The following DEPDC5 variants were observed in gnomAD, a reference collection of about 807,000 sequenced individuals.
DEPDC5 encodes DEP domain containing 5, GATOR1 subcomplex subunit.
A neutral mutation model predicts 217.3 loss-of-function variants in DEPDC5; 73 were observed. That is an observed-to-expected ratio of 0.34 (90% CI 0.28 to 0.41). The LOEUF is 0.41. DEPDC5 is among the 10% of genes least tolerant of loss of function. DEPDC5 has a pLI of 1.00. For missense variants in DEPDC5, 1,675 were observed against 2,070.1 expected (o/e 0.81, Z 3.70); for synonymous variants, 733 against 756.7 (o/e 0.97, Z 0.51).
intron 31 of DEPDC5, among the ~76,000 whole-genome samples, chr22:31,851,042 T>C (rs913672091): frequency 5.4e-5 from 8 of 148,714 alleles, no homozygotes; most frequent in Non-Finnish European, 1.2e-4. Flanking sequence ...CACTCCAGCT[T>C]GGTTACAGAG....
intron 18 of DEPDC5, 28 bp downstream of exon 18, chr22:31,806,219 G>C: frequency 1.3e-6 from 2 of 1,587,962 alleles, no homozygotes; most frequent in Non-Finnish European, 1.7e-6. Context: ...TTAAGACGGG[G>C]TCTTATTATG....
At chr22:31,819,001 C>A in intron 21 of DEPDC5, 21 bp from the exon 22 acceptor site, 1 of 1,613,720 alleles carries the variant, frequency 6.2e-7, no homozygotes, top group African/African-American at 1.3e-5. Context: ...CTTTGTGACT[C>A]AACTCCATGA....
At chr22:31,795,652 C>G in intron 12 of DEPDC5, among the ~76,000 whole-genome samples, 1 of 151,320 alleles carries the variant, frequency 6.6e-6, no homozygotes, top group East Asian at 2.0e-4. Context: ...CCTTGGCCTC[C>G]CAAAATGCTG....
chr22:31,887,857 G>A (rs1335971800), intron 38 of DEPDC5, among the ~76,000 whole-genome samples: 1 of 152,114 alleles, frequency 6.6e-6, no homozygotes, highest in African/African-American at 2.4e-5. Context: ...TACTCAAGTG[G>A]GGAAGATCTG....
chr22:31,772,382 T>G (rs1452489343), intron 7 of DEPDC5, among the ~76,000 whole-genome samples: 1 of 152,134 alleles, frequency 6.6e-6, no homozygotes, highest in Non-Finnish European at 1.5e-5. Flanking sequence ...TGGATGGGTA[T>G]CCAGGGTCAG....
At chr22:31,852,246 T>C (rs958520024) in intron 31 of DEPDC5, among the ~76,000 whole-genome samples, 3 of 152,160 alleles carry the variant, frequency 2.0e-5, no homozygotes, top group African/African-American at 7.2e-5. Context: ...TGCTTACCCA[T>C]CATCACGCGG....
intron 20 of DEPDC5, among the ~76,000 whole-genome samples, chr22:31,812,934 T>G (rs1227672602): frequency 2.6e-5 from 4 of 152,018 alleles, no homozygotes; most frequent in Non-Finnish European, 5.9e-5. Flanking sequence ...GAGACGGGGT[T>G]TCTCAGTGTT....
chr22:31,814,844 C>CCG, intron 20 of DEPDC5, 148 bp from the exon 21 acceptor site: 1 of 718,128 alleles, frequency 1.4e-6, no homozygotes, highest in Non-Finnish European at 2.4e-6. Flanking sequence ...GGGTGAAGTA[C>CCG]CGCATACAGG....
At chr22:31,835,821 T>C (rs1223004919) in intron 25 of DEPDC5, among the ~76,000 whole-genome samples, 1 of 152,218 alleles carries the variant, frequency 6.6e-6, no homozygotes, top group Non-Finnish European at 1.5e-5. Context: ...GCAGGCTAAA[T>C]CATCTTCCCC....
chr22:31,760,768 C>T (rs774229511), intron 4 of DEPDC5, 66 bp downstream of exon 4: 2 of 1,358,164 alleles, frequency 1.5e-6, no homozygotes, highest in African/African-American at 1.5e-5. Context: ...AGAAATCTCT[C>T]TTCATAATTT....
chr22:31,860,560 G>T (rs554742416), intron 32 of DEPDC5, among the ~76,000 whole-genome samples: 1 of 152,128 alleles, frequency 6.6e-6, no homozygotes, highest in Non-Finnish European at 1.5e-5. Context: ...AAAGTCCTCC[G>T]TGTCATTTTT....
rs1247397146 is a variant in DEPDC5, at chr22:31,804,935, A to G, written c.1217+20A>G. The stretch of plus-strand genomic sequence containing the variant: ...CCACAGGTGGGTGCGATCTCGATCA[A>G]TAGTAGGTGATAAGCGTTTTGAACA... On this transcript the variant is annotated intron_variant, in intron 17 of 42. Coordinates refer to ENST00000651528, the MANE Select transcript of DEPDC5 (RefSeq NM_001242896.3). 7.5e-6 allele frequency: 12 copies of G among 1,603,986 alleles called. No homozygotes were observed. The highest frequency in any genetic ancestry group is 6.7e-5 in the East Asian group (3 of 44,778).
intron 20 of DEPDC5, 23 bp downstream of exon 20, chr22:31,810,664 G>A: frequency 6.2e-7 from 1 of 1,613,008 alleles, no homozygotes; most frequent in Non-Finnish European, 8.5e-7. Context: ...ATTCACTTGG[G>A]GGTGCATATA....
rs568743614 is a variant in DEPDC5, at chr22:31,842,987, C to T, written c.2516-108C>T. ...ATAACTTTCTTCCATGAAACTGCCCCTAAGAGAAAGTGTTACATTGTTTTC... is the reference window on the plus strand; with the variant it reads ...ATAACTTTCTTCCATGAAACTGCCCTTAAGAGAAAGTGTTACATTGTTTTC... On this transcript the variant is annotated intron_variant, in intron 27 of 42. Coordinates refer to ENST00000651528, the MANE Select transcript of DEPDC5 (RefSeq NM_001242896.3). 4.0e-5 allele frequency: 32 copies of T among 793,950 alleles called. No homozygotes were observed. In the South Asian group the frequency reaches 6.6e-4, roughly 16 times the overall value. 49.2% of individuals were successfully genotyped at this position (793,950 alleles called of 1,614,324 possible).
chr22:31,807,916 G>A (rs1417971375), intron 18 of DEPDC5, among the ~76,000 whole-genome samples: 1 of 151,896 alleles, frequency 6.6e-6, no homozygotes, highest in East Asian at 1.9e-4. Context: ...TAGGGGGGAG[G>A]GCTGTTAATG....
chr22:31,809,542 T>C, intron 18 of DEPDC5, 69 bp from the exon 19 acceptor site: 1 of 1,542,884 alleles, frequency 6.5e-7, no homozygotes, highest in Non-Finnish European at 9.0e-7. Context: ...AGCACATATA[T>C]ACTGTGCCTT....
At chr22:31,808,540 T>A (rs1029938695) in intron 18 of DEPDC5, among the ~76,000 whole-genome samples, 3 of 152,148 alleles carry the variant, frequency 2.0e-5, no homozygotes, top group African/African-American at 7.2e-5. Context: ...GTTCACGTGA[T>A]TCTCCTGCCT....
intron 20 of DEPDC5, among the ~76,000 whole-genome samples, chr22:31,813,035 C>T (rs1482223687): frequency 6.6e-6 from 1 of 152,176 alleles, no homozygotes; most frequent in Non-Finnish European, 1.5e-5. Flanking sequence ...CCACTGCCCC[C>T]GCCAGATTTC....
intron 40 of DEPDC5, among the ~76,000 whole-genome samples, chr22:31,900,452 G>A (rs377309605): frequency 4.6e-4 from 70 of 152,224 alleles, no homozygotes; most frequent in African/African-American, 1.6e-3. Context: ...AAAAAAGTGG[G>A]GGTGGGCCGA....
Sources: allele counts gnomAD v4.1 joint callset (sites outside exome capture counted in the v4.1 genomes callset), GRCh38; gene constraint gnomAD v4.1.1; transcripts MANE v1.5; gene names NCBI Gene and HGNC (gene_info 2026-07-23, HGNC 2026-07-21).